Variants in PHF2 observed in about 807,000 individuals in gnomAD.
PHF2 encodes the protein lysine-specific demethylase PHF2.
Under a neutral mutation model 120.5 loss-of-function variants are expected in PHF2, and 27 were observed. That is an observed-to-expected ratio of 0.22 (90% CI 0.17 to 0.31). PHF2 has a LOEUF of 0.31. PHF2 is among the 10% of genes least tolerant of loss of function. The probability of loss-of-function intolerance (pLI) is 1.00; values close to 1 mark genes in which losing one functional copy is unlikely to be tolerated. For missense variants in PHF2, 1,024 were observed against 1,434.8 expected (o/e 0.71, Z 4.63); for synonymous variants, 568 against 592.5 (o/e 0.96, Z 0.60).
At chr9:93,652,240 G>C (rs1240570626) in intron 5 of PHF2, among the ~76,000 whole-genome samples, 1 of 151,216 alleles carries the variant, frequency 6.6e-6, no homozygotes, top group Admixed American at 6.6e-5. Context: ...CCCCAGATCT[G>C]GTTCTTAGTG....
chr9:93,657,950 G>T (rs886113658), intron 9 of PHF2, among the ~76,000 whole-genome samples, 195 bp from the exon 10 acceptor site: 13 of 152,162 alleles, frequency 8.5e-5, no homozygotes, highest in Admixed American at 2.0e-4. Flanking sequence ...CTTTCCTCAA[G>T]CAGGGCAGGC....
chr9:93,594,308 T>A (rs572904257), intron 1 of PHF2, among the ~76,000 whole-genome samples: 1 of 152,242 alleles, frequency 6.6e-6, no homozygotes, highest in East Asian at 1.9e-4. Flanking sequence ...TGAGCCTGCA[T>A]GTAAGAGTTT....
intron 9 of PHF2, 150 bp from the exon 10 acceptor site, chr9:93,657,995 G>T: frequency 1.6e-6 from 1 of 607,924 alleles, no homozygotes; most frequent in South Asian, 1.9e-5. Flanking sequence ...GTTCCAAGAG[G>T]AACTGTTGGC....
intron 2 of PHF2, among the ~76,000 whole-genome samples, chr9:93,633,199 C>CA (rs1826028910): frequency 6.6e-6 from 1 of 152,212 alleles, no homozygotes. Flanking sequence ...TTTTGAAAGC[C>CA]ACAGTGGTGG....
At chr9:93,583,731 C>G (rs1459931402) in intron 1 of PHF2, among the ~76,000 whole-genome samples, 1 of 151,994 alleles carries the variant, frequency 6.6e-6, no homozygotes, top group African/African-American at 2.4e-5. Context: ...TACTCAAGGC[C>G]TTTGCCCACT....
At chr9:93,603,275 G>T (rs757977492) in intron 1 of PHF2, among the ~76,000 whole-genome samples, 3 of 152,164 alleles carry the variant, frequency 2.0e-5, no homozygotes, top group Non-Finnish European at 4.4e-5. Context: ...CACTCGGATG[G>T]CCCAGGAGAG....
chr9:93,663,437 T>A, intron 13 of PHF2, 80 bp from the exon 14 acceptor site: 1 of 862,260 alleles, frequency 1.2e-6, no homozygotes, highest in Non-Finnish European at 1.9e-6. Flanking sequence ...AGTAGCTGCC[T>A]CTTCTCACTG....
intron 1 of PHF2, among the ~76,000 whole-genome samples, chr9:93,581,705 C>T (rs1406617855): frequency 6.6e-6 from 1 of 152,194 alleles, no homozygotes; most frequent in Non-Finnish European, 1.5e-5. Flanking sequence ...TTCTGGACTG[C>T]AGCCCACGTT....
At chr9:93,578,513 G>A (rs1862876209) in intron 1 of PHF2, among the ~76,000 whole-genome samples, 1 of 152,212 alleles carries the variant, frequency 6.6e-6, no homozygotes, top group Non-Finnish European at 1.5e-5. Context: ...CCGGAGCCCT[G>A]ACCTGGCGAG....
chr9:93,629,928 G>T (rs767604232), intron 1 of PHF2, 42 bp from the exon 2 acceptor site: 2 of 1,581,840 alleles, frequency 1.3e-6, no homozygotes, highest in Admixed American at 1.7e-5. Flanking sequence ...GCTTGAGGGG[G>T]TGCTGAATGC....
intron 1 of PHF2, among the ~76,000 whole-genome samples, chr9:93,616,473 A>G (rs560824983): frequency 2.3e-3 from 345 of 152,310 alleles, no homozygotes; most frequent in African/African-American, 8.0e-3. Context: ...AAGCCTTGCC[A>G]GAGGGACATT....
At chr9:93,655,853 C>T (rs901683728) in intron 7 of PHF2, 81 bp from the exon 8 acceptor site, 24 of 1,044,204 alleles carry the variant, frequency 2.3e-5, no homozygotes, top group South Asian at 4.3e-5. Flanking sequence ...TGCTGGTCTC[C>T]GCCGCTCCCT....
intron 5 of PHF2, 63 bp from the exon 6 acceptor site, chr9:93,653,116 A>C (rs930392748): frequency 1.4e-6 from 2 of 1,446,140 alleles, no homozygotes; most frequent in African/African-American, 2.8e-5. Context: ...CATGTTTCCC[A>C]CTGCAGGGGA....
At chr9:93,676,490 C>T (rs893244277) in intron 20 of PHF2, 104 bp from the exon 21 acceptor site, 6 of 1,402,158 alleles carry the variant, frequency 4.3e-6, no homozygotes, top group Non-Finnish European at 5.8e-6. Flanking sequence ...CTGCCCAGCC[C>T]TGCTGTGCTC....
At chr9:93,629,594 AGGTTACCCCT>A (rs936584345) in intron 1 of PHF2, among the ~76,000 whole-genome samples, 1 of 152,186 alleles carries the variant, frequency 6.6e-6, no homozygotes, top group Non-Finnish European at 1.5e-5. Flanking sequence ...CTGCCCCCTC[AGGTTACCCCT>A]GGTGAAGTGA....
Position 93,673,603 on chromosome 9 carries a change from C to T in PHF2, c.2367C>T (p.Pro789=), listed in dbSNP as rs1390166237. 1.3e-6 allele frequency: 2 copies of T among 1,581,002 alleles called. No homozygotes were observed. The highest frequency in any genetic ancestry group is 1.1e-5 in the South Asian group (1 of 87,120). The stretch of plus-strand genomic sequence containing the variant: ...CCCCTAGCCAGCCCCCGGCCTCCCC[C>T]AGCACACAGGAAGCCATTCAGGGAA... The part of the protein sequence containing the change: ...YNPSSQPPAS[P]STQEAIQGML... Residue 789 remains proline (P), a synonymous_variant, in exon 18 of 22, where the codon CCC becomes CCT. Transcript: ENST00000359246.
chr9:93,646,023 G>A lies in PHF2; in HGVS notation c.460+234G>A, dbSNP rs574596526. 2.6e-5 allele frequency among the ~76,000 whole-genome samples: 4 copies of A among 152,352 alleles called. No homozygotes were observed. In the East Asian group the frequency reaches 7.7e-4, roughly 29 times the overall value. On this transcript the variant is annotated intron_variant, in intron 4 of 21. Coordinates refer to ENST00000359246, the MANE Select transcript of PHF2 (RefSeq NM_005392.4). Reference sequence around the variant, plus strand: ...CCCTCCCAGATACTCTGACTGCAAAGTAGGGGCTGGTCTGGGAGACCCTTT... The same window carrying A: ...CCCTCCCAGATACTCTGACTGCAAAATAGGGGCTGGTCTGGGAGACCCTTT...
chr9:93,612,682 TG>T (rs1231007510), intron 1 of PHF2, among the ~76,000 whole-genome samples: 2 of 152,262 alleles, frequency 1.3e-5, no homozygotes, highest in Non-Finnish European at 2.9e-5. Flanking sequence ...ATGACTCATT[TG>T]CAAGCAAGCA....
chr9:93,665,785 C>T lies in PHF2; in HGVS notation c.2037C>T (p.Tyr679=), dbSNP rs377061288. 124 of 1,609,594 alleles carry T rather than the reference C, an allele frequency of 7.7e-5. 1 individual carries two copies. The highest frequency in any genetic ancestry group is 1.7e-4 in the Middle Eastern group (1 of 6,056). ...KPKPVRDEYE[Y]VSDDGELKID... Reference sequence around the variant, plus strand: ...AGCCCGTGCGGGATGAGTATGAGTACGTGTCGGATGACGGTGAGCTCAAGA... The same window carrying T: ...AGCCCGTGCGGGATGAGTATGAGTATGTGTCGGATGACGGTGAGCTCAAGA... The change falls in exon 15 of 22, where the codon TAC becomes TAT. Residue 679 remains tyrosine, a synonymous_variant. Coordinates refer to ENST00000359246, the MANE Select transcript of PHF2 (RefSeq NM_005392.4).
Sources: allele counts gnomAD v4.1 joint callset (sites outside exome capture counted in the v4.1 genomes callset), GRCh38; gene constraint gnomAD v4.1.1; transcripts MANE v1.5; gene names NCBI Gene and HGNC (gene_info 2026-07-23, HGNC 2026-07-21).